TTC7A: variants seen among roughly 807,000 people sequenced by gnomAD.
TTC7A encodes tetratricopeptide repeat domain 7A.
A neutral mutation model predicts 103.7 loss-of-function variants in TTC7A; 110 were observed. The observed-to-expected ratio is 1.06, with a 90% CI of 0.91 to 1.24. The LOEUF (loss-of-function observed/expected upper bound fraction) is 1.24. TTC7A is among the 50% of genes most tolerant of loss of function. The pLI is 0.00. For synonymous variants in TTC7A, 521 were observed against 467.9 expected, an observed-to-expected ratio of 1.11 and a Z score of -1.47; for missense variants, 1,340 against 1,116.3, an observed-to-expected ratio of 1.20 and a Z score of -2.86.
intron 11 of TTC7A, 35 bp from the exon 12 acceptor site, chr2:47,021,827 C>G (rs1679319601): frequency 6.4e-7 from 1 of 1,574,708 alleles, no homozygotes; most frequent in Non-Finnish European, 8.7e-7. Context: ...AAACTCCAAC[C>G]CCACCTCCAT....
At chr2:46,979,717 G>A (rs1053215009) in intron 5 of TTC7A, among the ~76,000 whole-genome samples, 6 of 152,302 alleles carry the variant, frequency 3.9e-5, no homozygotes, top group Admixed American at 2.0e-4. Context: ...TGGCTATTCC[G>A]CAACTGGTCC....
Position 46,979,787 on chromosome 2 carries a change from G to A in TTC7A, c.764+880G>A, listed in dbSNP as rs545651668. On this transcript the variant is annotated intron_variant, in intron 5 of 19. Transcript: ENST00000319190. ...TCCCAGGCGGGAGCTGAGGTTTCCT[G>A]CCTGTCTCTGCAGCAGAGGCTTTGG... is the stretch of plus-strand genomic sequence containing the variant. Among the ~76,000 whole-genome samples the A allele has an allele frequency of 1.7e-4, 26 of 152,346 alleles. No individual in the cohort carries two copies. The East Asian group carries it at 4.6e-3, about 27-fold the overall frequency.
At chr2:47,005,204 G>A (rs1282103499) in intron 8 of TTC7A, among the ~76,000 whole-genome samples, 2 of 152,156 alleles carry the variant, frequency 1.3e-5, no homozygotes, top group African/African-American at 4.8e-5. Flanking sequence ...AGCCAGGAGA[G>A]GGTCCGGGCT....
chr2:46,980,112 G>T (rs1202924838), intron 5 of TTC7A, among the ~76,000 whole-genome samples: 1 of 151,690 alleles, frequency 6.6e-6, no homozygotes, highest in Non-Finnish European at 1.5e-5. Flanking sequence ...TTCACTTTAT[G>T]CATTCTTTTC....
intron 5 of TTC7A, among the ~76,000 whole-genome samples, chr2:46,981,333 G>C (rs1208549505): frequency 6.6e-6 from 1 of 151,770 alleles, no homozygotes; most frequent in Non-Finnish European, 1.5e-5. Flanking sequence ...TTTCCTTCCT[G>C]CTTATCTCCC....
At chr2:46,999,736 G>A in intron 8 of TTC7A, 1 of 985,440 alleles carries the variant, frequency 1.0e-6, no homozygotes, top group Non-Finnish European at 1.2e-6. Flanking sequence ...GGAGATACAG[G>A]AATCTTTCTT....
At chr2:46,984,426 C>T (rs574372276) in intron 5 of TTC7A, among the ~76,000 whole-genome samples, 1 of 152,316 alleles carries the variant, frequency 6.6e-6, no homozygotes, top group East Asian at 1.9e-4. Flanking sequence ...GGCTTTCTCC[C>T]CTCTAAGATG....
intron 3 of TTC7A, among the ~76,000 whole-genome samples, chr2:46,973,064 C>T (rs1023009776): frequency 6.9e-6 from 1 of 144,424 alleles, no homozygotes; most frequent in Admixed American, 7.3e-5. Context: ...TAGTCATGGG[C>T]TCACAACTGT....
rs183490633 is a variant in TTC7A, at chr2:47,022,028, C to T, written c.1510+49C>T. On this transcript the variant is annotated intron_variant, in intron 12 of 19. Transcript: ENST00000319190. The stretch of plus-strand genomic sequence containing the variant: ...CTCTACTTGGGGATGGCTCAGGCTT[C>T]CTAACTGCCTCAGAGGCATCTTGTC... 591 of 1,408,826 alleles carry T rather than the reference C, an allele frequency of 4.2e-4. 1 individual carries two copies. The highest frequency in any genetic ancestry group is 4.7e-4 in the Middle Eastern group (2 of 4,272). The allele number at this position is 1,408,826 out of a possible 1,614,324, so 87.3% of individuals were successfully genotyped here. A position where few individuals can be genotyped will look rare whatever the true frequency, so the allele number is the denominator to read the frequency against.
At chr2:46,951,228 T>C (rs1671376021) in intron 2 of TTC7A, among the ~76,000 whole-genome samples, 1 of 152,082 alleles carries the variant, frequency 6.6e-6, no homozygotes, top group African/African-American at 2.4e-5. Flanking sequence ...GTCACAACTT[T>C]CTCTGGACTT....
chr2:46,970,179 G>A (rs577857268), intron 3 of TTC7A, among the ~76,000 whole-genome samples: 36 of 152,174 alleles, frequency 2.4e-4, no homozygotes, highest in African/African-American at 7.0e-4. Context: ...TGGGGGGGAC[G>A]GGGTTTCACC....
At chr2:46,916,125 C>T (rs1014690969), upstream of TTC7A, 1 of 985,408 alleles carries the variant, frequency 1.0e-6, no homozygotes, top group Non-Finnish European at 1.2e-6. Flanking sequence ...ATGGGGCGGA[C>T]CCCAAAGCTG....
chr2:46,989,804 GTGTGTGTGTGTGCATC>G (rs1675425214), intron 5 of TTC7A, among the ~76,000 whole-genome samples: 1 of 106,640 alleles, frequency 9.4e-6, no homozygotes, highest in African/African-American at 3.7e-5. Flanking sequence ...AATTGCGTGT[GTGTGTGTGTGTGCATC>G]TGTGTGTGTG....
chr2:47,022,353 C>T (rs751353239), intron 12 of TTC7A, among the ~76,000 whole-genome samples: 25 of 152,242 alleles, frequency 1.6e-4, no homozygotes, highest in Non-Finnish European at 3.4e-4. Flanking sequence ...TTCTGGTTCT[C>T]ATAGGCCTGC....
At chr2:47,006,767 G>A in intron 10 of TTC7A, 43 bp downstream of exon 10, 1 of 1,482,142 alleles carries the variant, frequency 6.7e-7, no homozygotes, top group Non-Finnish European at 9.4e-7. Flanking sequence ...TCACCCGCAG[G>A]GGGCTCTGCT....
chr2:47,043,443 G>T (rs948630960), intron 15 of TTC7A, among the ~76,000 whole-genome samples: 1 of 152,168 alleles, frequency 6.6e-6, no homozygotes, highest in African/African-American at 2.4e-5. Flanking sequence ...AGCACAGCAC[G>T]GATGAGTCCC....
upstream of TTC7A, among the ~76,000 whole-genome samples, chr2:46,938,297 A>T (rs149627251): frequency 2.6e-5 from 4 of 152,370 alleles, no homozygotes; most frequent in Admixed American, 2.6e-4. Flanking sequence ...TGATGGATAT[A>T]GGAACAAAAT....
intron 11 of TTC7A, among the ~76,000 whole-genome samples, chr2:47,011,848 C>T (rs1022919153): frequency 4.6e-5 from 7 of 152,234 alleles, no homozygotes; most frequent in Non-Finnish European, 8.8e-5. Context: ...CTGCTCTTGG[C>T]GGAATGGGAA....
At chr2:47,013,170 C>G (rs1678261971) in intron 11 of TTC7A, among the ~76,000 whole-genome samples, 1 of 152,174 alleles carries the variant, frequency 6.6e-6, no homozygotes, top group Non-Finnish European at 1.5e-5. Flanking sequence ...GAGGCAGCCT[C>G]AGACTGAACT....
Sources: gnomAD v4.1 joint callset for allele counts (sites outside exome capture counted in the v4.1 genomes callset) on GRCh38, gnomAD v4.1.1 for gene constraint, MANE v1.5 for transcripts, NCBI Gene and HGNC (gene_info 2026-07-23, HGNC 2026-07-21) for gene names.